Variants in GMDS observed in about 807,000 individuals in gnomAD.
GMDS encodes the protein GDP-mannose 4,6-dehydratase, also known as GDP-mannose 4,6 dehydratase.
GMDS carries 20 observed loss-of-function variants against 49.9 expected under a neutral mutation model. The observed-to-expected ratio is 0.40, with a 90% CI of 0.28 to 0.58. The LOEUF (loss-of-function observed/expected upper bound fraction) is 0.58, where lower values mean the gene tolerates loss of function less well. Among genes scored for constraint, GMDS ranks in the 20% least tolerant of loss-of-function variants. GMDS has a pLI of 0.42. For synonymous variants in GMDS, 177 were observed against 178.6 expected (o/e 0.99, Z 0.07); for missense variants, 362 against 481.4 (o/e 0.75, Z 2.32).
intron 1 of GMDS, among the ~76,000 whole-genome samples, chr6:2,194,012 C>T (rs181780506): frequency 8.7e-5 from 13 of 149,670 alleles, no homozygotes; most frequent in Admixed American, 3.3e-4. Flanking sequence ...TGAGCCACCG[C>T]GTCCAGCCAA....
At chr6:2,079,340 T>C (rs548087927) in intron 4 of GMDS, among the ~76,000 whole-genome samples, 22 of 152,174 alleles carry the variant, frequency 1.4e-4, no homozygotes, top group Non-Finnish European at 1.0e-4. Flanking sequence ...TTTTATATAC[T>C]CTTCATTCCT....
chr6:1,657,863 AAAAAAAG>A (rs1244412742), intron 9 of GMDS, among the ~76,000 whole-genome samples: 3 of 146,682 alleles, frequency 2.0e-5, no homozygotes, highest in Non-Finnish European at 3.0e-5. Context: ...CAAAAAAAAA[AAAAAAAG>A]AAAAAGAAAA....
chr6:1,967,792 A>G (rs1764353445), intron 4 of GMDS, among the ~76,000 whole-genome samples: 1 of 152,250 alleles, frequency 6.6e-6, no homozygotes, highest in South Asian at 2.1e-4. Context: ...AAGTTCAAAC[A>G]TAAAGTTAAT....
intron 9 of GMDS, chr6:1,624,759 G>C: frequency 4.0e-6 from 2 of 496,154 alleles, no homozygotes; most frequent in Non-Finnish European, 7.2e-6. Flanking sequence ...CGTGAGGACC[G>C]TGACCGCGAT....
intron 7 of GMDS, among the ~76,000 whole-genome samples, chr6:1,752,229 C>T (rs978289554): frequency 6.6e-6 from 1 of 151,162 alleles, no homozygotes; most frequent in African/African-American, 2.4e-5. Context: ...ATGAGAACTT[C>T]GTGAAGCATA....
chr6:2,056,600 G>A (rs1336352014), intron 4 of GMDS, among the ~76,000 whole-genome samples: 1 of 151,964 alleles, frequency 6.6e-6, no homozygotes, highest in Non-Finnish European at 1.5e-5. Flanking sequence ...AATCACTTCA[G>A]GTGCTTAAAA....
chr6:1,783,047 C>G (rs544333333), intron 7 of GMDS, among the ~76,000 whole-genome samples: 46 of 151,914 alleles, frequency 3.0e-4, no homozygotes, highest in Non-Finnish European at 6.3e-4. Flanking sequence ...CCCAGCTACT[C>G]TGGAAGCTGA....
chr6:2,152,052 C>A (rs1171742630), intron 1 of GMDS, among the ~76,000 whole-genome samples: 1 of 152,146 alleles, frequency 6.6e-6, no homozygotes, highest in East Asian at 1.9e-4. Context: ...AGGCCACACA[C>A]AAGTCGACAG....
intron 4 of GMDS, among the ~76,000 whole-genome samples, chr6:2,054,759 A>G (rs1398809098): frequency 1.3e-5 from 2 of 148,738 alleles, no homozygotes; most frequent in South Asian, 4.3e-4. Flanking sequence ...CAGGGGGGGA[A>G]AAAAAAAACA....
chr6:1,744,807 T>G (rs765927671), intron 7 of GMDS, among the ~76,000 whole-genome samples: 1 of 152,252 alleles, frequency 6.6e-6, no homozygotes, highest in Non-Finnish European at 1.5e-5. Context: ...TGCTGACCTC[T>G]CTCTAGGTCC....
At chr6:2,078,410 T>C (rs9501800) in intron 4 of GMDS, among the ~76,000 whole-genome samples, 2,218 of 152,254 alleles carry the variant, frequency 0.015, 49 homozygotes, top group African/African-American at 0.05. Context: ...TTTATTGCTA[T>C]AAACTTCATG....
At chr6:1,779,119 A>C (rs778047021) in intron 7 of GMDS, among the ~76,000 whole-genome samples, 3 of 152,060 alleles carry the variant, frequency 2.0e-5, no homozygotes, top group Non-Finnish European at 4.4e-5. Flanking sequence ...CACCGTCCAC[A>C]TGCCTCTGGG....
intron 4 of GMDS, among the ~76,000 whole-genome samples, chr6:1,980,439 AAAAAAG>A (rs948087407): frequency 4.5e-4 from 68 of 152,260 alleles, no homozygotes; most frequent in African/African-American, 1.6e-3. Context: ...GATTAAAAAA[AAAAAAG>A]ACAAAGAAGG....
At chr6:2,220,594 A>G (rs1324499950) in intron 1 of GMDS, among the ~76,000 whole-genome samples, 3 of 152,318 alleles carry the variant, frequency 2.0e-5, no homozygotes, top group African/African-American at 7.2e-5. Flanking sequence ...TGACAGTTCA[A>G]TGTACACAAA....
rs535790209 is a variant in GMDS, at chr6:1,710,744, A to G, written c.987+15672T>C. On this transcript the variant is annotated intron_variant, in intron 9 of 10. Transcript: ENST00000380815. ...TGATCTGGTGATACTGCCAAGCTCA[A>G]TGTCCAGGTCCTAAGCACACCCTCC... Among the ~76,000 whole-genome samples, 4 of 152,284 alleles carry G rather than the reference A, an allele frequency of 2.6e-5. No homozygotes were observed. In the East Asian group the frequency reaches 7.7e-4, roughly 29 times the overall value.
At chr6:1,839,837 G>A (rs552158439) in intron 7 of GMDS, among the ~76,000 whole-genome samples, 1 of 152,324 alleles carries the variant, frequency 6.6e-6, no homozygotes, top group Non-Finnish European at 1.5e-5. Flanking sequence ...CCGAGGGGAC[G>A]TGGGTTGCTC....
intron 9 of GMDS, among the ~76,000 whole-genome samples, chr6:1,650,049 C>T (rs1763604970): frequency 6.6e-6 from 1 of 152,168 alleles, no homozygotes; most frequent in Non-Finnish European, 1.5e-5. Context: ...CAACGACTTC[C>T]ACGGCCTCAG....
At chr6:1,949,012 GCC>G in intron 6 of GMDS, 1 of 911,644 alleles carries the variant, frequency 1.1e-6, no homozygotes, top group Non-Finnish European at 1.3e-6. Context: ...TATGCCAGTA[GCC>G]ACAGCAATCC....
intron 1 of GMDS, among the ~76,000 whole-genome samples, chr6:2,125,899 A>C (rs1775405497): frequency 6.6e-6 from 1 of 152,246 alleles, no homozygotes; most frequent in Non-Finnish European, 1.5e-5. Context: ...CTTTTAAAAA[A>C]AGAAGATATT....
Sources: gnomAD v4.1 joint callset for allele counts (sites outside exome capture counted in the v4.1 genomes callset) on GRCh38, gnomAD v4.1.1 for gene constraint, MANE v1.5 for transcripts, NCBI Gene and HGNC (gene_info 2026-07-23, HGNC 2026-07-21) for gene names.